Variants in UNC13A observed in about 807,000 individuals in gnomAD.
The protein encoded by UNC13A is protein unc-13 homolog A.
In UNC13A, 61 loss-of-function variants were observed where a neutral mutation model predicts 219.7. The observed-to-expected ratio is 0.28, with a 90% CI of 0.23 to 0.34. The LOEUF (loss-of-function observed/expected upper bound fraction) is 0.34. Among genes scored for constraint, UNC13A ranks in the 10% least tolerant of loss-of-function variants. The pLI is 1.00. For synonymous variants in UNC13A, 920 were observed against 884.6 expected, an observed-to-expected ratio of 1.04 and a Z score of -0.71; for missense variants, 1,476 against 2,270.3, an observed-to-expected ratio of 0.65 and a Z score of 7.11.
chr19:17,654,255 A>G (rs2079408974), intron 11 of UNC13A, among the ~76,000 whole-genome samples: 1 of 151,952 alleles, frequency 6.6e-6, no homozygotes, highest in Non-Finnish European at 1.5e-5. Context: ...CTAGTTCCAT[A>G]GTTTGTTTTT....
At chr19:17,610,338 C>T (rs1444983017) in intron 42 of UNC13A, among the ~76,000 whole-genome samples, 2 of 152,046 alleles carry the variant, frequency 1.3e-5, no homozygotes, top group South Asian at 4.1e-4. Context: ...TGGTGGCACG[C>T]GCCTGTAGTC....
At chr19:17,661,021 C>G (rs1004326363) in intron 8 of UNC13A, among the ~76,000 whole-genome samples, 2 of 151,954 alleles carry the variant, frequency 1.3e-5, no homozygotes, top group East Asian at 3.9e-4. Context: ...TCACTGCAGT[C>G]CCAACCTCCT....
chr19:17,625,441 T>C (rs1217731020), intron 34 of UNC13A, among the ~76,000 whole-genome samples: 1 of 151,884 alleles, frequency 6.6e-6, no homozygotes, highest in Admixed American at 6.6e-5. Context: ...AGACAGGCAG[T>C]CCACCAAGAT....
intron 41 of UNC13A, chr19:17,616,374 G>A (rs117216329): frequency 0.018 from 12,455 of 690,414 alleles, 155 homozygotes; most frequent in Non-Finnish European, 0.025. Context: ...CGGGCACCAG[G>A]CGCGGGCGGC....
chr19:17,601,710 G>A lies in UNC13A; in HGVS notation c.*4344C>T, dbSNP rs2076465810. On this transcript the variant is annotated 3_prime_UTR_variant, in exon 44 of 44. Transcript: ENST00000519716. ...TGGCTGTGTGGTTGGGGATGATCAG[G>A]GGACCCTCCGCCTGTGACCTGTGTC... The A allele has an allele frequency of 6.6e-6, 1 of 152,372 alleles. No individual in the cohort carries two copies. The highest frequency in any genetic ancestry group is 1.5e-5 in the Non-Finnish European group (1 of 68,042). 9.4% of individuals were successfully genotyped at this position (152,372 alleles called of 1,614,324 possible). A position where few individuals can be genotyped will look rare whatever the true frequency, so the allele number is the denominator to read the frequency against.
intron 9 of UNC13A, among the ~76,000 whole-genome samples, chr19:17,657,240 TCTC>T (rs1268826202): frequency 3.9e-5 from 6 of 151,924 alleles, no homozygotes; most frequent in Non-Finnish European, 8.8e-5. Context: ...TCCCTCCACT[TCTC>T]CCCGCCTCCT....
chr19:17,679,383 G>T (rs1164954922), intron 1 of UNC13A, among the ~76,000 whole-genome samples: 1 of 151,756 alleles, frequency 6.6e-6, no homozygotes, highest in African/African-American at 2.4e-5. Flanking sequence ...CTGGGCGACA[G>T]AGCAAGACTC....
chr19:17,607,024 A>G (rs1474198922), intron 43 of UNC13A, among the ~76,000 whole-genome samples: 1 of 151,792 alleles, frequency 6.6e-6, no homozygotes, highest in African/African-American at 2.4e-5. Context: ...TTGTACCTCT[A>G]TCCCTGAAGT....
chr19:17,685,193 G>A (rs1599425189), intron 1 of UNC13A, among the ~76,000 whole-genome samples: 1 of 149,660 alleles, frequency 6.7e-6, no homozygotes, highest in Admixed American at 6.6e-5. Flanking sequence ...TAGGACATGA[G>A]TGAATCTTTT....
At position 17,645,708 on chromosome 19, in the gene UNC13A, C is replaced by T. The variant is rs746012905; in HGVS notation, c.2322G>A (p.Thr774=). The T allele has an allele frequency of 1.9e-6, 3 of 1,614,248 alleles. No homozygotes were observed. The highest frequency in any genetic ancestry group is 4.5e-5 in the East Asian group (2 of 44,884). ...FLGQTIIEVR[T]LSGEMDVWYN... is the part of the protein sequence containing the mutation. ...ACCACACGTCCATCTCGCCGCTGAG[C>T]GTCCGCACCTCAATGATCGTCTGCC... The change falls in exon 19 of 44, where the codon ACG becomes ACA. Residue 774 remains threonine, a synonymous_variant. Transcript: ENST00000519716.
At chr19:17,628,142 G>T in intron 31 of UNC13A, 2 of 581,794 alleles carry the variant, frequency 3.4e-6, no homozygotes, top group Non-Finnish European at 6.2e-6. Context: ...CTGGGGACTG[G>T]TGGGGGCAAG....
intron 17 of UNC13A, among the ~76,000 whole-genome samples, chr19:17,646,800 G>C (rs1185715479): frequency 6.6e-6 from 1 of 152,180 alleles, no homozygotes; most frequent in Non-Finnish European, 1.5e-5. Flanking sequence ...ACATGAGGCT[G>C]GGTGTGGAGA....
At chr19:17,645,448 T>C (rs1019690778) in intron 19 of UNC13A, among the ~76,000 whole-genome samples, 3 of 151,882 alleles carry the variant, frequency 2.0e-5, no homozygotes, top group Non-Finnish European at 4.4e-5. Flanking sequence ...GTCCCCACCC[T>C]CCCTCCTAAG....
intron 8 of UNC13A, among the ~76,000 whole-genome samples, 181 bp from the exon 9 acceptor site, chr19:17,658,450 C>T (rs752641005): frequency 6.6e-6 from 1 of 152,128 alleles, no homozygotes; most frequent in Non-Finnish European, 1.5e-5. Flanking sequence ...GAGGTGAAAA[C>T]CCTGCTTTGC....
Position 17,617,716 on chromosome 19 carries a change from G to A in UNC13A, c.4544C>T (p.Thr1515Met), listed in dbSNP as rs1250679701. 2 of 1,613,878 alleles carry A rather than the reference G, an allele frequency of 1.2e-6. No individual in the cohort carries two copies. Among genetic ancestry groups the A allele is most frequent in the Non-Finnish European group, 1.7e-6 (2 of 1,179,792 alleles). Residue 1515 changes from threonine (T) to methionine (M), a missense_variant, in exon 41 of 44, where the codon ACG (threonine) becomes ATG (methionine). Thr to Met is a moderately conservative substitution (Grantham distance 81). Coordinates refer to ENST00000519716, the MANE Select transcript of UNC13A (RefSeq NM_001080421.3). ...TDLLIKTFVQ[T>M]QSAQGLGVED... ...GGTACCCTTACCCTGGGCCGATTGC[G>A]TCTGTACAAAGGTCTTGATTAGCAG...
chr19:17,624,908 C>T lies in UNC13A; in HGVS notation c.4118G>A (p.Arg1373Gln), dbSNP rs1375084968. The T allele has an allele frequency of 6.2e-7, 1 of 1,613,832 alleles. No individual in the cohort carries two copies. Among genetic ancestry groups the T allele is most frequent in the Non-Finnish European group, 8.5e-7 (1 of 1,179,764 alleles). ...CAGCTTCCACAGCTCCTTCAGCACT[C>T]GCTTCAGCACAGTCTTCTCACAGAT... ...AKICEKTVLK[R>Q]VLKELWKLVM... Residue 1373 changes from arginine (R) to glutamine (Q), a missense_variant, in exon 35 of 44, where the codon CGA becomes CAA. By Grantham distance (43) the Arg-to-Gln change is conservative. Coordinates refer to ENST00000519716, the MANE Select transcript of UNC13A (RefSeq NM_001080421.3).
intron 7 of UNC13A, among the ~76,000 whole-genome samples, chr19:17,664,237 A>C (rs1248141693): frequency 6.6e-6 from 1 of 152,168 alleles, no homozygotes; most frequent in East Asian, 1.9e-4. Context: ...CTCTTGGATA[A>C]GGAAAGACAC....
chr19:17,621,190 C>T (rs1039332415), intron 37 of UNC13A, among the ~76,000 whole-genome samples: 2 of 152,176 alleles, frequency 1.3e-5, no homozygotes, highest in African/African-American at 4.8e-5. Context: ...CAGGCACGTA[C>T]ACAATTATAT....
At chr19:17,609,615 C>G (rs2076580314) in intron 43 of UNC13A, among the ~76,000 whole-genome samples, 1 of 152,114 alleles carries the variant, frequency 6.6e-6, no homozygotes, top group Admixed American at 6.5e-5. Context: ...AGTCTCCAGC[C>G]CCAGCAATGG....
Sources: gnomAD v4.1 joint callset for allele counts (sites outside exome capture counted in the v4.1 genomes callset) on GRCh38, gnomAD v4.1.1 for gene constraint, MANE v1.5 for transcripts, NCBI Gene and HGNC (gene_info 2026-07-23, HGNC 2026-07-21) for gene names.